Variants in LRRIQ3 observed in about 807,000 individuals in gnomAD.
LRRIQ3 encodes leucine rich repeats and IQ motif containing 3.
A neutral mutation model predicts 59.3 loss-of-function variants in LRRIQ3; 75 were observed. That is an observed-to-expected ratio of 1.26 (90% CI 1.05 to 1.53). The LOEUF is 1.53. Ranked by LOEUF, LRRIQ3 falls within the 40% of genes most tolerant of loss-of-function variation. The pLI, the probability that LRRIQ3 is intolerant of heterozygous loss-of-function variation, is 0.00. For synonymous variants in LRRIQ3, 250 were observed against 231.3 expected (o/e 1.08, Z -0.73); for missense variants, 831 against 710.0 (o/e 1.17, Z -1.94).
At chr1:74,041,002 T>G (rs1393897643) in intron 7 of LRRIQ3, among the ~76,000 whole-genome samples, 1 of 152,092 alleles carries the variant, frequency 6.6e-6, no homozygotes, top group Non-Finnish European at 1.5e-5. Flanking sequence ...TAGGTTTTGT[T>G]GCACAGGTGG....
intron 4 of LRRIQ3, among the ~76,000 whole-genome samples, chr1:74,132,619 T>C (rs537756944): frequency 6.6e-6 from 1 of 152,220 alleles, no homozygotes; most frequent in African/African-American, 2.4e-5. Flanking sequence ...TGGGGAAAGA[T>C]TCCCTATTTA....
intron 1 of LRRIQ3, among the ~76,000 whole-genome samples, chr1:74,194,484 A>G (rs1159079805): frequency 1.3e-5 from 2 of 152,186 alleles, no homozygotes; most frequent in Non-Finnish European, 2.9e-5. Context: ...ATTTGTAATT[A>G]TAACTTTTTT....
chr1:74,077,840 T>C (rs933658604), intron 5 of LRRIQ3, among the ~76,000 whole-genome samples: 2 of 151,884 alleles, frequency 1.3e-5, no homozygotes, highest in Admixed American at 1.3e-4. Flanking sequence ...AAAGAGAATG[T>C]GTGCACTTAC....
chr1:74,112,667 A>G (rs1410172386), intron 4 of LRRIQ3, among the ~76,000 whole-genome samples: 1 of 152,156 alleles, frequency 6.6e-6, no homozygotes, highest in African/African-American at 2.4e-5. Context: ...AGTCAAAGAA[A>G]GCTTATACCA....
chr1:74,183,046 CTGAGA>C (rs915668540), intron 2 of LRRIQ3, 185 bp from the exon 3 acceptor site: 1 of 398,800 alleles, frequency 2.5e-6, no homozygotes, highest in Non-Finnish European at 4.4e-6. Context: ...CACTGGGTAT[CTGAGA>C]TAATTTATTA....
intron 5 of LRRIQ3, 89 bp from the exon 6 acceptor site, chr1:74,074,879 T>C (rs1369537177): frequency 1.1e-5 from 7 of 639,012 alleles, no homozygotes; most frequent in Non-Finnish European, 1.2e-5. Flanking sequence ...TACATTATCA[T>C]GATTGATTTT....
chr1:74,088,554 A>G (rs779342494), intron 5 of LRRIQ3, among the ~76,000 whole-genome samples: 6 of 152,074 alleles, frequency 3.9e-5, no homozygotes, highest in Non-Finnish European at 5.9e-5. Flanking sequence ...AACAGTACCA[A>G]GATAATTCAA....
Position 74,104,476 on chromosome 1 carries a change from G to T in LRRIQ3, c.867+4918C>A, listed in dbSNP as rs138271043. ...TGAACGCATGATCTTTCATACAATGGAATATTATTCAGTGCTAAAAATAAA... is the reference window on the plus strand; with the variant it reads ...TGAACGCATGATCTTTCATACAATGTAATATTATTCAGTGCTAAAAATAAA... On this transcript the variant is annotated intron_variant, in intron 5 of 7. Transcript: ENST00000354431. Among the ~76,000 whole-genome samples the T allele has an allele frequency of 2.0e-5, 3 of 152,040 alleles. No individual in the cohort carries two copies. The East Asian group carries it at 5.8e-4, about 30-fold the overall frequency.
At chr1:74,172,519 G>A (rs1649387016) in intron 3 of LRRIQ3, among the ~76,000 whole-genome samples, 1 of 152,036 alleles carries the variant, frequency 6.6e-6, no homozygotes, top group Non-Finnish European at 1.5e-5. Context: ...TTCTAAAGAA[G>A]GTTCTGTGTG....
chr1:74,177,238 A>T (rs751132763), intron 3 of LRRIQ3, among the ~76,000 whole-genome samples: 2 of 152,042 alleles, frequency 1.3e-5, no homozygotes, highest in African/African-American at 4.8e-5. Context: ...GTAGGCTGGC[A>T]CTGGGGAAAT....
chr1:74,100,231 G>A (rs1192445275), intron 5 of LRRIQ3, among the ~76,000 whole-genome samples: 1 of 152,058 alleles, frequency 6.6e-6, no homozygotes, highest in Non-Finnish European at 1.5e-5. Context: ...AAATCAATGT[G>A]CAAAAATCAC....
chr1:74,096,144 T>C (rs911253929), intron 5 of LRRIQ3, among the ~76,000 whole-genome samples: 3 of 152,062 alleles, frequency 2.0e-5, no homozygotes, highest in Non-Finnish European at 4.4e-5. Context: ...TAAGAATAGA[T>C]TTAGTGTCTG....
In LRRIQ3 at chr1:74,170,341, G is replaced by A. The variant is rs1466081745; in HGVS notation, c.573+12197C>T. On this transcript the variant is annotated intron_variant, in intron 3 of 7. Coordinates refer to ENST00000354431, the MANE Select transcript of LRRIQ3 (RefSeq NM_001105659.2). ...CTTTAAGATTTTAATTCTTTTTTGAGTATAGTGTAAGACAAAGGTCCAATT... is the reference window on the plus strand; with the variant it reads ...CTTTAAGATTTTAATTCTTTTTTGAATATAGTGTAAGACAAAGGTCCAATT... Among the ~76,000 whole-genome samples the A allele has an allele frequency of 3.9e-5, 6 of 152,130 alleles. No homozygotes were observed. In the South Asian group the frequency reaches 1.0e-3, roughly 26 times the overall value.
At chr1:74,081,737 G>A (rs879526203) in intron 5 of LRRIQ3, among the ~76,000 whole-genome samples, 1 of 151,076 alleles carries the variant, frequency 6.6e-6, no homozygotes, top group Non-Finnish European at 1.5e-5. Flanking sequence ...CTAGTACGTG[G>A]ATTACATTAT....
rs566246324 is a variant in LRRIQ3 at position 74,163,695 on chromosome 1, T to C, written c.574-7829A>G. Among the ~76,000 whole-genome samples, 21 of 151,692 alleles carry C rather than the reference T, an allele frequency of 1.4e-4. No homozygotes were observed. The South Asian group carries it at 4.3e-3, about 31-fold the overall frequency. On this transcript the variant is annotated intron_variant, in intron 3 of 7. Coordinates refer to ENST00000354431, the MANE Select transcript of LRRIQ3 (RefSeq NM_001105659.2). The stretch of plus-strand genomic sequence containing the variant: ...CTAGGTATTTTCCAGTTCGGGGCCA[T>C]TACCAATAAAACTGCTTTAAACACT...
intron 1 of LRRIQ3, among the ~76,000 whole-genome samples, chr1:74,193,916 A>G (rs904463017): frequency 1.3e-5 from 2 of 152,204 alleles, no homozygotes; most frequent in Non-Finnish European, 2.9e-5. Flanking sequence ...GATTCTAATC[A>G]GTAACATTTT....
At chr1:74,129,962 C>T (rs567699298) in intron 4 of LRRIQ3, among the ~76,000 whole-genome samples, 1 of 149,690 alleles carries the variant, frequency 6.7e-6, no homozygotes, top group Non-Finnish European at 1.5e-5. Context: ...ATCAAAGTTG[C>T]CCCCCCACCA....
intron 1 of LRRIQ3, 43 bp downstream of exon 1, chr1:74,197,953 G>T (rs570661850): frequency 2.5e-6 from 1 of 393,854 alleles, no homozygotes; most frequent in Non-Finnish European, 4.6e-6. Context: ...TATCCTTAGC[G>T]GGTCGGTTCT....
At chr1:74,080,001 CGATTCTCTGAATTTA>C (rs1557605640) in intron 5 of LRRIQ3, among the ~76,000 whole-genome samples, 5 of 151,670 alleles carry the variant, frequency 3.3e-5, no homozygotes. Flanking sequence ...CTGTTTATCA[CGATTCTCTGAATTTA>C]GATTCTCTGA....
Sources: gnomAD v4.1 joint callset for allele counts (sites outside exome capture counted in the v4.1 genomes callset) on GRCh38, gnomAD v4.1.1 for gene constraint, MANE v1.5 for transcripts, NCBI Gene and HGNC (gene_info 2026-07-23, HGNC 2026-07-21) for gene names.